SLC35F4: variants seen among roughly 807,000 people sequenced by gnomAD.
The protein encoded by SLC35F4 is chromosome 14 open reading frame 36.
A neutral mutation model predicts 44.2 loss-of-function variants in SLC35F4; 24 were observed. The observed-to-expected ratio is 0.54, with a 90% confidence interval of 0.39 to 0.76. The LOEUF (loss-of-function observed/expected upper bound fraction) is 0.76, where lower values mean the gene tolerates loss of function less well. SLC35F4 is among the 30% of genes least tolerant of loss of function. SLC35F4 has a pLI of 0.00. For missense variants in SLC35F4, 562 were observed against 586.1 expected (o/e 0.96, Z 0.42); for synonymous variants, 238 against 223.6 (o/e 1.06, Z -0.57).
At chr14:57,809,094 G>C (rs1414876922) in intron 1 of SLC35F4, among the ~76,000 whole-genome samples, 1 of 152,092 alleles carries the variant, frequency 6.6e-6, no homozygotes, top group African/African-American at 2.4e-5. Context: ...TTCCCCGCCA[G>C]GAACCTACCT....
chr14:57,906,842 C>G (rs961335782), intron 1 of SLC35F4, among the ~76,000 whole-genome samples: 6 of 152,166 alleles, frequency 3.9e-5, no homozygotes, highest in African/African-American at 1.4e-4. Context: ...ATCAAAGCAT[C>G]GTACTTATTC....
rs570260595 is a variant in SLC35F4 at position 57,709,195 on chromosome 14, C to CTGCTTT, written c.104-115072_104-115071insAAAGCA. On this transcript the variant is annotated intron_variant, in intron 1 of 7. Coordinates refer to ENST00000556826, the MANE Select transcript of SLC35F4 (RefSeq NM_001306087.2). ...GGAAAGGGAGACTCCCTTTCCTGGTCTGCTAAGTAGCAGGTGTTTTTCCTT... is the reference window on the plus strand; with the variant it reads ...GGAAAGGGAGACTCCCTTTCCTGGTCTGCTTTTGCTAAGTAGCAGGTGTTTTTCCTT... Among the ~76,000 whole-genome samples, 37 of 152,156 alleles carry CTGCTTT rather than the reference C, an allele frequency of 2.4e-4. No homozygotes were observed. The East Asian group carries it at 6.4e-3, about 26-fold the overall frequency.
chr14:57,671,732 A>C (rs1411602505), intron 1 of SLC35F4, among the ~76,000 whole-genome samples: 1 of 152,008 alleles, frequency 6.6e-6, no homozygotes, highest in Non-Finnish European at 1.5e-5. Context: ...ATGCTTGGGA[A>C]TTTACTTACC....
At chr14:57,717,014 C>G (rs2075963283) in intron 1 of SLC35F4, among the ~76,000 whole-genome samples, 1 of 152,124 alleles carries the variant, frequency 6.6e-6, no homozygotes, top group Admixed American at 6.5e-5. Context: ...ACACAGTGTC[C>G]TACAGGCTCA....
chr14:57,925,479 A>T (rs1889539866), intron 1 of SLC35F4, among the ~76,000 whole-genome samples: 1 of 86,272 alleles, frequency 1.2e-5, no homozygotes. Flanking sequence ...GGAAGGAAAG[A>T]AGGAAGGAAG....
chr14:57,866,782 C>T (rs1008837512), upstream of SLC35F4, among the ~76,000 whole-genome samples: 7 of 151,974 alleles, frequency 4.6e-5, no homozygotes, highest in African/African-American at 1.7e-4. Context: ...AAAGTCTTAG[C>T]TACAGTCTAG....
chr14:57,937,775 G>A (rs1889842229), intron 1 of SLC35F4, among the ~76,000 whole-genome samples: 1 of 152,144 alleles, frequency 6.6e-6, no homozygotes, highest in African/African-American at 2.4e-5. Context: ...GGAACATACT[G>A]AAGGTGAACG....
At chr14:57,961,659 G>A (rs1415266283) in intron 1 of SLC35F4, among the ~76,000 whole-genome samples, 1 of 152,104 alleles carries the variant, frequency 6.6e-6, no homozygotes, top group Admixed American at 6.5e-5. Flanking sequence ...TACCTCCCCG[G>A]CTTCTTCTCC....
chr14:57,945,353 G>A (rs931611119), intron 1 of SLC35F4, among the ~76,000 whole-genome samples: 8 of 151,568 alleles, frequency 5.3e-5, no homozygotes, highest in Non-Finnish European at 7.4e-5. Flanking sequence ...CTGCCTAAGC[G>A]GAAATGAATT....
chr14:57,866,384 G>C (rs1888158268), upstream of SLC35F4, among the ~76,000 whole-genome samples: 1 of 152,030 alleles, frequency 6.6e-6, no homozygotes, highest in South Asian at 2.1e-4. Flanking sequence ...GGCGCCCCGG[G>C]ACTCGGTCCA....
At chr14:57,704,138 T>C (rs1001806051) in intron 1 of SLC35F4, among the ~76,000 whole-genome samples, 10 of 152,220 alleles carry the variant, frequency 6.6e-5, no homozygotes, top group African/African-American at 2.2e-4. Flanking sequence ...TGAAGAAACA[T>C]AGTCACCCAA....
intron 1 of SLC35F4, among the ~76,000 whole-genome samples, chr14:57,638,703 G>A (rs767668685): frequency 1.3e-5 from 2 of 152,090 alleles, no homozygotes; most frequent in Admixed American, 1.3e-4. Flanking sequence ...CTGATACAAG[G>A]AAGGCTACTA....
intron 1 of SLC35F4, among the ~76,000 whole-genome samples, chr14:57,663,695 C>G (rs761223916): frequency 1.3e-5 from 2 of 152,174 alleles, no homozygotes; most frequent in Non-Finnish European, 2.9e-5. Flanking sequence ...GAAAGAGCCA[C>G]AGGTAACTAA....
intron 1 of SLC35F4, among the ~76,000 whole-genome samples, chr14:57,769,514 C>T (rs775512330): frequency 2.0e-5 from 3 of 152,132 alleles, no homozygotes; most frequent in Non-Finnish European, 4.4e-5. Context: ...GTCACAAATC[C>T]ATCATCTTAA....
At chr14:57,975,269 T>C (rs1290155404), downstream of SLC35F4, among the ~76,000 whole-genome samples, 7 of 152,204 alleles carry the variant, frequency 4.6e-5, no homozygotes, top group Admixed American at 4.6e-4. Context: ...AAGCCATCAA[T>C]TGATGGGGCT....
chr14:57,722,178 T>C (rs969441452), intron 1 of SLC35F4, among the ~76,000 whole-genome samples: 1 of 152,198 alleles, frequency 6.6e-6, no homozygotes, highest in Non-Finnish European at 1.5e-5. Flanking sequence ...GCCAAATTTA[T>C]TGATTTGGTC....
intron 1 of SLC35F4, among the ~76,000 whole-genome samples, chr14:57,741,981 T>C (rs776524107): frequency 6.6e-6 from 1 of 152,132 alleles, no homozygotes; most frequent in African/African-American, 2.4e-5. Flanking sequence ...CTACGCTTCA[T>C]AAGTGGAGGA....
At chr14:57,935,640 T>A (rs188519092) in intron 1 of SLC35F4, among the ~76,000 whole-genome samples, 66 of 152,316 alleles carry the variant, frequency 4.3e-4, no homozygotes, top group African/African-American at 1.5e-3. Flanking sequence ...TAGCATATAT[T>A]TCCTATCAGC....
chr14:57,789,443 C>G (rs1385511774), intron 1 of SLC35F4, among the ~76,000 whole-genome samples: 1 of 152,054 alleles, frequency 6.6e-6, no homozygotes, highest in Non-Finnish European at 1.5e-5. Context: ...AAGACTAAAC[C>G]AGGAAGAAGT....
Sources: gnomAD v4.1 joint callset for allele counts (sites outside exome capture counted in the v4.1 genomes callset) on GRCh38, gnomAD v4.1.1 for gene constraint, MANE v1.5 for transcripts, NCBI Gene and HGNC (gene_info 2026-07-23, HGNC 2026-07-21) for gene names.